Variants in BDKRB2 observed in about 807,000 individuals in gnomAD.
The protein encoded by BDKRB2 is B2 bradykinin receptor.
A neutral mutation model predicts 4.0 loss-of-function variants in BDKRB2; 6 were observed. The ratio of observed to expected loss-of-function variants is 1.49; its 90% confidence interval spans 0.81 to 2.93. The LOEUF is 2.93. BDKRB2 is among the 30% of genes most tolerant of loss of function. The pLI is 0.00. For missense variants in BDKRB2, 478 were observed against 520.1 expected, an observed-to-expected ratio of 0.92 and a Z score of 0.79; for synonymous variants, 225 against 215.3, an observed-to-expected ratio of 1.05 and a Z score of -0.40.
intron 1 of BDKRB2, among the ~76,000 whole-genome samples, chr14:96,216,678 A>G (rs931613396): frequency 1.8e-4 from 25 of 136,882 alleles, no homozygotes; most frequent in Admixed American, 1.5e-3. Flanking sequence ...GAGGAAGAAG[A>G]AGGAGGAGGA....
At position 96,241,307 on chromosome 14, in the gene BDKRB2, C is replaced by T; in HGVS notation, c.979C>T (p.Leu327Phe). 2 of 1,614,068 alleles carry T rather than the reference C, an allele frequency of 1.2e-6. No homozygotes were observed. The highest frequency in any genetic ancestry group is 1.7e-6 in the Non-Finnish European group (2 of 1,179,972). Residue 327 changes from leucine (L) to phenylalanine (F), a missense_variant, in exon 3 of 3, where the codon CTC becomes TTC. Transcript: ENST00000554311. The part of the protein sequence containing the change: ...ASFMAYSNSC[L>F]NPLVYVIVGK... The stretch of plus-strand genomic sequence containing the variant: ...CTTCATGGCCTACAGCAACAGCTGC[C>T]TCAACCCACTGGTGTACGTGATCGT...
At chr14:96,235,347 C>CAAA (rs60409238) in intron 1 of BDKRB2, among the ~76,000 whole-genome samples, 1 of 67,218 alleles carries the variant, frequency 1.5e-5, no homozygotes, top group Non-Finnish European at 2.7e-5. Context: ...GACTCCGTCT[C>CAAA]AAAAAAAAAA....
intron 1 of BDKRB2, among the ~76,000 whole-genome samples, chr14:96,216,279 C>G (rs891785479): frequency 1.2e-4 from 19 of 152,048 alleles, no homozygotes; most frequent in Admixed American, 1.2e-3. Flanking sequence ...AATCACAGTT[C>G]CTGGAGGGTG....
chr14:96,219,953 G>A (rs368474909), intron 1 of BDKRB2, among the ~76,000 whole-genome samples: 7 of 151,984 alleles, frequency 4.6e-5, no homozygotes, highest in East Asian at 1.9e-4. Flanking sequence ...CTTTCTGGCC[G>A]ACCAAGCCTA....
At position 96,237,182 on chromosome 14, in the gene BDKRB2, G is replaced by A. The variant is rs762444960; in HGVS notation, c.74+1G>A. The stretch of plus-strand genomic sequence containing the variant: ...CCGTGCCCACCACGGCCTCTTTCAG[G>A]TGAGTCAAAGGGATTCCTCAGTTCA... On this transcript the variant is annotated splice_donor_variant, in intron 2 of 2. Coordinates refer to ENST00000554311, the MANE Select transcript of BDKRB2 (RefSeq NM_001379692.1). LOFTEE classifies it high-confidence loss of function. 7.4e-6 allele frequency: 12 copies of A among 1,611,898 alleles called. No homozygotes were observed. Among genetic ancestry groups the A allele is most frequent in the Non-Finnish European group, 1.0e-5 (12 of 1,177,936 alleles).
chr14:96,204,887 ACGG>A lies in BDKRB2; in HGVS notation c.-111_-109del, dbSNP rs1566685375. The A allele has an allele frequency of 1.5e-4, 51 of 346,740 alleles. 1 individual carries two copies. The Admixed American group carries it at 1.8e-3, about 12-fold the overall frequency. The allele number at this position is 346,740 out of a possible 1,614,324, so 21.5% of individuals were successfully genotyped here. A position where few individuals can be genotyped will look rare whatever the true frequency, so the allele number is the denominator to read the frequency against. ...CCGAGGAGGGGTGGGGACGGTGGGG[ACGG>A]TGGGGACATCAGGCTGCCCCGCAGT... On this transcript the variant is annotated 5_prime_UTR_variant, in exon 1 of 3. It adds an upstream start codon to the 5' untranslated region. Transcript: ENST00000554311.
At chr14:96,236,681 C>T (rs903142437) in intron 1 of BDKRB2, among the ~76,000 whole-genome samples, 3 of 152,184 alleles carry the variant, frequency 2.0e-5, no homozygotes, top group South Asian at 2.1e-4. Context: ...TCACACCAAG[C>T]GCCTTCCTGA....
intron 1 of BDKRB2, among the ~76,000 whole-genome samples, chr14:96,207,003 C>T (rs1296128163): frequency 6.6e-6 from 1 of 152,122 alleles, no homozygotes; most frequent in Non-Finnish European, 1.5e-5. Flanking sequence ...CCTTTAAAGA[C>T]CACCAATCCC....
intron 1 of BDKRB2, among the ~76,000 whole-genome samples, chr14:96,209,796 G>C (rs1298194445): frequency 1.3e-5 from 2 of 152,048 alleles, no homozygotes; most frequent in African/African-American, 4.8e-5. Context: ...AAGAGTTCGA[G>C]ACCAGCCTGT....
intron 2 of BDKRB2, chr14:96,238,037 G>A: frequency 1.8e-6 from 2 of 1,139,488 alleles, no homozygotes; most frequent in Non-Finnish European, 2.2e-6. Flanking sequence ...CTACCCAGGG[G>A]AAGTCTTACC....
intron 1 of BDKRB2, among the ~76,000 whole-genome samples, chr14:96,210,358 T>C (rs774099708): frequency 2.0e-5 from 3 of 152,196 alleles, no homozygotes; most frequent in African/African-American, 4.8e-5. Context: ...TTTCACAGTA[T>C]TTACACATGT....
chr14:96,232,703 G>A (rs377529569), intron 1 of BDKRB2, among the ~76,000 whole-genome samples: 5 of 152,306 alleles, frequency 3.3e-5, no homozygotes, highest in Middle Eastern at 3.4e-3. Context: ...ATAGAAAGGC[G>A]TTGAAGTGCA....
rs1178045383 is a variant in BDKRB2 at position 96,240,524 on chromosome 14, G to A, written c.196G>A (p.Val66Met). 1 of 1,581,368 alleles carries A rather than the reference G, an allele frequency of 6.3e-7. No individual in the cohort carries two copies. The highest frequency in any genetic ancestry group is 2.2e-5 in the East Asian group (1 of 44,590). The change falls in exon 3 of 3, where the codon GTG becomes ATG. Residue 66 changes from valine (V) to methionine (M), a missense_variant. Val to Met is a conservative substitution (Grantham distance 21). Coordinates refer to ENST00000554311, the MANE Select transcript of BDKRB2 (RefSeq NM_001379692.1). The part of the protein sequence containing the change: ...LNTIQPPFLW[V>M]LFVLATLENI... ...CACCATCCAGCCCCCCTTCCTCTGGGTGCTGTTCGTGCTGGCCACCCTAGA... is the reference window on the plus strand; with the variant it reads ...CACCATCCAGCCCCCCTTCCTCTGGATGCTGTTCGTGCTGGCCACCCTAGA...
At chr14:96,210,620 T>C (rs886123609) in intron 1 of BDKRB2, among the ~76,000 whole-genome samples, 65 of 152,316 alleles carry the variant, frequency 4.3e-4, no homozygotes, top group African/African-American at 1.5e-3. Context: ...GGGGCAGTCA[T>C]GGGGAGATAT....
intron 2 of BDKRB2, chr14:96,238,917 A>G: frequency 1.0e-6 from 1 of 986,030 alleles, no homozygotes; most frequent in Middle Eastern, 5.2e-4. Context: ...TCTTGCACTC[A>G]GGGCAGAGCT....
intron 1 of BDKRB2, among the ~76,000 whole-genome samples, chr14:96,224,600 A>G (rs1159176042): frequency 6.6e-6 from 1 of 152,206 alleles, no homozygotes; most frequent in Non-Finnish European, 1.5e-5. Flanking sequence ...CAGTGGAGGC[A>G]AAGCCAAGAC....
intron 2 of BDKRB2, chr14:96,238,658 C>T (rs111297063): frequency 3.1e-6 from 3 of 969,692 alleles, no homozygotes; most frequent in African/African-American, 1.8e-5. Flanking sequence ...CCAACAGCTT[C>T]CCCAGTTCTG....
intron 1 of BDKRB2, chr14:96,214,761 G>A (rs899727174): frequency 7.2e-5 from 11 of 152,322 alleles, no homozygotes; most frequent in African/African-American, 2.4e-4. Context: ...GGTGAGACGA[G>A]ACAGTGTCCC....
In BDKRB2 at chr14:96,241,330, C is replaced by T. The variant is rs138780728; in HGVS notation, c.1002C>T (p.Ile334=). 3.8e-5 allele frequency: 62 copies of T among 1,613,880 alleles called. No individual in the cohort carries two copies. The African/African-American group carries it at 6.5e-4, about 17-fold the overall frequency. Residue 334 remains isoleucine, a synonymous_variant, in exon 3 of 3, where the codon ATC becomes ATT. Coordinates refer to ENST00000554311, the MANE Select transcript of BDKRB2 (RefSeq NM_001379692.1). ...GCCTCAACCCACTGGTGTACGTGAT[C>T]GTGGGCAAGCGCTTCCGAAAGAAGT... ...NSCLNPLVYV[I]VGKRFRKKSW...
Sources: gnomAD v4.1 joint callset for allele counts (sites outside exome capture counted in the v4.1 genomes callset) on GRCh38, gnomAD v4.1.1 for gene constraint, MANE v1.5 for transcripts, NCBI Gene and HGNC (gene_info 2026-07-23, HGNC 2026-07-21) for gene names.